The following TRAM1 variants were observed in gnomAD, a reference collection of about 807,000 sequenced individuals.
TRAM1 encodes the protein translocation associated membrane protein 1.
In TRAM1, 17 loss-of-function variants were observed where a neutral mutation model predicts 48.7. The observed-to-expected ratio is 0.35, with a 90% CI of 0.24 to 0.52. The LOEUF (loss-of-function observed/expected upper bound fraction) is 0.52. Ranked by LOEUF, TRAM1 falls within the 20% of genes least tolerant of loss-of-function variation. The pLI is 0.94. For missense variants in TRAM1, 351 were observed against 441.5 expected (o/e 0.79, Z 1.84); for synonymous variants, 182 against 154.0 (o/e 1.18, Z -1.34).
chr8:70,602,351 C>G (rs1476790721), intron 1 of TRAM1, among the ~76,000 whole-genome samples: 1 of 152,118 alleles, frequency 6.6e-6, no homozygotes, highest in Non-Finnish European at 1.5e-5. Context: ...AGAGATTGAG[C>G]TTGTGTGGGG....
chr8:70,592,580 T>C (rs1441023464), intron 6 of TRAM1, among the ~76,000 whole-genome samples: 1 of 152,196 alleles, frequency 6.6e-6, no homozygotes, highest in Non-Finnish European at 1.5e-5. Context: ...CAGGAACTGA[T>C]AAGAAAAGAG....
intron 10 of TRAM1, among the ~76,000 whole-genome samples, chr8:70,577,277 G>C (rs1308184804): frequency 2.0e-5 from 3 of 152,210 alleles, no homozygotes; most frequent in Admixed American, 2.0e-4. Flanking sequence ...GGCAGCAGGA[G>C]GCAGACAGGT....
chr8:70,576,071 AAAAAAAAAG>A (rs1186881576), intron 10 of TRAM1, among the ~76,000 whole-genome samples: 292 of 69,824 alleles, frequency 4.2e-3, no homozygotes, highest in Non-Finnish European at 0.01. Context: ...ACTCCATCTA[AAAAAAAAAG>A]AAAAAAAAAA....
chr8:70,577,370 G>C (rs575077042), intron 10 of TRAM1, among the ~76,000 whole-genome samples: 117 of 152,312 alleles, frequency 7.7e-4, no homozygotes, highest in Middle Eastern at 3.4e-3. Context: ...CAGGCCACCA[G>C]TTCCATGGAC....
At chr8:70,594,630 T>A (rs953505988) in intron 5 of TRAM1, 40 bp from the exon 6 acceptor site, 4 of 1,481,576 alleles carry the variant, frequency 2.7e-6, no homozygotes, top group Non-Finnish European at 3.6e-6. Context: ...TTTTAAAGCA[T>A]AATTTTTTTA....
At chr8:70,605,660 T>C (rs1407949519) in intron 1 of TRAM1, among the ~76,000 whole-genome samples, 1 of 152,192 alleles carries the variant, frequency 6.6e-6, no homozygotes, top group Non-Finnish European at 1.5e-5. Flanking sequence ...GTCTACAAAG[T>C]CCTATATATA....
In TRAM1 at chr8:70,573,926, C is replaced by T. The variant is rs1376144858; in HGVS notation, c.*1006G>A. 6.4e-6 allele frequency: 1 copy of T among 155,954 alleles called. No individual in the cohort carries two copies. The highest frequency in any genetic ancestry group is 1.4e-5 in the Non-Finnish European group (1 of 70,424). 9.7% of individuals were successfully genotyped at this position (155,954 alleles called of 1,614,324 possible). ...AAATGTTTCTCAATTAAAGATGGGA[C>T]CAAAGCTATAGGTATAACATAAAGC... On this transcript the variant is annotated 3_prime_UTR_variant, in exon 11 of 11. Coordinates refer to ENST00000262213, the MANE Select transcript of TRAM1 (RefSeq NM_014294.6).
intron 6 of TRAM1, among the ~76,000 whole-genome samples, chr8:70,590,137 A>G (rs1776335184): frequency 9.5e-6 from 1 of 105,446 alleles, no homozygotes; most frequent in Admixed American, 8.9e-5. Flanking sequence ...TGGGTAAGGC[A>G]ATGTAAAAAA....
intron 2 of TRAM1, 66 bp from the exon 3 acceptor site, chr8:70,598,321 C>A (rs1182338852): frequency 9.7e-6 from 14 of 1,447,368 alleles, no homozygotes; most frequent in Non-Finnish European, 1.3e-5. Context: ...GCATTAAGTA[C>A]AACATAGTTA....
At position 70,583,144 on chromosome 8, in the gene TRAM1, A is replaced by C; in HGVS notation, c.1051+20T>G. ...AGTTTTCTACTTCCATGAGTTTTTCATTGCTTACTGAATACAAACCTGTTC... is the reference window on the plus strand; with the variant it reads ...AGTTTTCTACTTCCATGAGTTTTTCCTTGCTTACTGAATACAAACCTGTTC... On this transcript the variant is annotated intron_variant, in intron 10 of 10. Transcript: ENST00000262213. The C allele has an allele frequency of 6.3e-7, 1 of 1,590,638 alleles. No homozygotes were observed. The highest frequency in any genetic ancestry group is 8.5e-7 in the Non-Finnish European group (1 of 1,170,792).
intron 6 of TRAM1, chr8:70,587,505 A>C (rs1281423133): frequency 1.5e-5 from 3 of 201,248 alleles, no homozygotes; most frequent in Non-Finnish European, 3.0e-5. Context: ...TTCATCCATA[A>C]AATGTGAATA....
At position 70,608,361 on chromosome 8, in the gene TRAM1, G is replaced by A. The variant is rs1324477937; in HGVS notation, c.-162C>T. 13 of 728,640 alleles carry A rather than the reference G, an allele frequency of 1.8e-5. No homozygotes were observed. The highest frequency in any genetic ancestry group is 2.2e-5 in the Non-Finnish European group (12 of 542,704). The allele number at this position is 728,640 out of a possible 1,614,324, so 45.1% of individuals were successfully genotyped here. On this transcript the variant is annotated 5_prime_UTR_variant, in exon 1 of 11. Coordinates refer to ENST00000262213, the MANE Select transcript of TRAM1 (RefSeq NM_014294.6). Reference sequence around the variant, plus strand: ...TCCCACAGCCAGTACGCAGCCGCCGGGCCGCCCGGGGGAAAAAAAAAAACA... The same window carrying A: ...TCCCACAGCCAGTACGCAGCCGCCGAGCCGCCCGGGGGAAAAAAAAAAACA...
At chr8:70,585,528 T>G (rs1278396765) in intron 8 of TRAM1, among the ~76,000 whole-genome samples, 1 of 145,600 alleles carries the variant, frequency 6.9e-6, no homozygotes, top group Admixed American at 6.8e-5. Flanking sequence ...CCTACTCATC[T>G]GACAAAGGGC....
intron 8 of TRAM1, among the ~76,000 whole-genome samples, chr8:70,586,296 T>G (rs1817219306): frequency 1.5e-5 from 2 of 131,626 alleles, no homozygotes; most frequent in African/African-American, 2.8e-5. Context: ...GGGGGAGGGA[T>G]AGCATTAGGA....
At chr8:70,607,844 C>A in intron 1 of TRAM1, 1 of 384,000 alleles carries the variant, frequency 2.6e-6, no homozygotes, top group Non-Finnish European at 4.4e-6. Context: ...TCCCCACCCC[C>A]TGCGGGCCGC....
chr8:70,587,067 C>G (rs911978137), intron 7 of TRAM1, 39 bp downstream of exon 7: 5 of 1,610,988 alleles, frequency 3.1e-6, no homozygotes, highest in East Asian at 2.2e-5. Flanking sequence ...ATACTATCTG[C>G]CCAGCCTACT....
rs764205144 is a variant in TRAM1 at position 70,574,323 on chromosome 8, G to A, written c.*609C>T. 2.6e-5 allele frequency: 9 copies of A among 345,320 alleles called. No individual in the cohort carries two copies. Among genetic ancestry groups the A allele is most frequent in the African/African-American group, 4.6e-5 (2 of 43,952 alleles). The allele number at this position is 345,320 out of a possible 1,614,324, so 21.4% of individuals were successfully genotyped here. On this transcript the variant is annotated 3_prime_UTR_variant, in exon 11 of 11. Transcript: ENST00000262213. ...AATATGTATGTTAGTAAAACTCCAC[G>A]TGTTGTAACGATTATTATGTTTTTG...
At chr8:70,581,128 C>T (rs985650661) in intron 10 of TRAM1, among the ~76,000 whole-genome samples, 6 of 152,206 alleles carry the variant, frequency 3.9e-5, no homozygotes, top group Admixed American at 3.3e-4. Context: ...CAGCATATGC[C>T]TGTAGTCCCA....
chr8:70,608,014 T>C (rs1178971536), intron 1 of TRAM1, 63 bp downstream of exon 1: 4 of 1,484,830 alleles, frequency 2.7e-6, no homozygotes, highest in Non-Finnish European at 3.6e-6. Context: ...GGGGCTGGCA[T>C]CTGGAGCCCG....
Sources: gnomAD v4.1 joint callset for allele counts (sites outside exome capture counted in the v4.1 genomes callset) on GRCh38, gnomAD v4.1.1 for gene constraint, MANE v1.5 for transcripts, NCBI Gene and HGNC (gene_info 2026-07-23, HGNC 2026-07-21) for gene names.